The following TLE4 variants were observed in gnomAD, a reference collection of about 807,000 sequenced individuals.
TLE4 encodes the protein TLE family member 4, transcriptional corepressor.
In TLE4, 8 loss-of-function variants were observed where a neutral mutation model predicts 92.8. That is an observed-to-expected ratio of 0.09 (90% CI 0.05 to 0.16). The LOEUF (loss-of-function observed/expected upper bound fraction) is 0.16. TLE4 is among the 10% of genes least tolerant of loss of function. The probability of loss-of-function intolerance (pLI) is 1.00; values close to 1 mark genes in which losing one functional copy is unlikely to be tolerated. For missense variants in TLE4, 675 were observed against 997.6 expected, an observed-to-expected ratio of 0.68 and a Z score of 4.36; for synonymous variants, 371 against 374.1, an observed-to-expected ratio of 0.99 and a Z score of 0.10.
In TLE4 at chr9:79,603,942, T is replaced by A. The variant is rs761452064; in HGVS notation, c.253-8714T>A. Among the ~76,000 whole-genome samples, 29 of 152,332 alleles carry A rather than the reference T, an allele frequency of 1.9e-4. 1 individual carries two copies. Among genetic ancestry groups the A allele is most frequent in the Non-Finnish European group, 1.9e-4 (13 of 68,028 alleles). ...ATCACCTTAAAATTTGTTGGAAGTA[T>A]AGACTCTGAGGCCCTTTTCCAATTT... On this transcript the variant is annotated intron_variant, in intron 4 of 19. Coordinates refer to ENST00000376552, the MANE Select transcript of TLE4 (RefSeq NM_007005.6).
chr9:79,671,589 C>T (rs976991564), intron 8 of TLE4: 4 of 239,138 alleles, frequency 1.7e-5, no homozygotes, highest in African/African-American at 4.4e-5. Flanking sequence ...TTTTACTACT[C>T]ATACACCTAA....
At chr9:79,637,855 T>TG (rs2056285475) in intron 6 of TLE4, among the ~76,000 whole-genome samples, 1 of 151,976 alleles carries the variant, frequency 6.6e-6, no homozygotes, top group Non-Finnish European at 1.5e-5. Context: ...TGTGTGTGTG[T>TG]TTGGGGTTGG....
intron 1 of TLE4, among the ~76,000 whole-genome samples, chr9:79,573,038 G>A (rs1258593897): frequency 6.6e-6 from 1 of 152,054 alleles, no homozygotes; most frequent in African/African-American, 2.4e-5. Flanking sequence ...AGGCAATTGA[G>A]TTGTAGCCAT....
intron 6 of TLE4, among the ~76,000 whole-genome samples, chr9:79,648,457 T>C (rs957538609): frequency 6.6e-6 from 1 of 152,144 alleles, no homozygotes; most frequent in Non-Finnish European, 1.5e-5. Context: ...TGGAGAAGGC[T>C]GTAGGGAACA....
chr9:79,631,867 T>A (rs905445581), intron 6 of TLE4, among the ~76,000 whole-genome samples: 1 of 151,922 alleles, frequency 6.6e-6, no homozygotes, highest in Non-Finnish European at 1.5e-5. Flanking sequence ...TGTGGGTATA[T>A]ATAAAAATGT....
At chr9:79,642,301 G>A (rs1564588871) in intron 6 of TLE4, among the ~76,000 whole-genome samples, 1 of 151,934 alleles carries the variant, frequency 6.6e-6, no homozygotes, top group Non-Finnish European at 1.5e-5. Context: ...TTGGAATATA[G>A]TGGCTATTCA....
At chr9:79,652,569 T>C in intron 6 of TLE4, 24 bp from the exon 7 acceptor site, 1 of 1,613,414 alleles carries the variant, frequency 6.2e-7, no homozygotes, top group Non-Finnish European at 8.5e-7. Context: ...AAATTCAATA[T>C]CTGTGTTTAA....
intron 8 of TLE4, among the ~76,000 whole-genome samples, chr9:79,688,525 T>G (rs1489566577): frequency 6.6e-6 from 1 of 152,046 alleles, no homozygotes; most frequent in Non-Finnish European, 1.5e-5. Context: ...TATCATACAC[T>G]TTAAGCTTGT....
chr9:79,605,534 T>A (rs968587233), intron 4 of TLE4, among the ~76,000 whole-genome samples: 2 of 152,174 alleles, frequency 1.3e-5, no homozygotes, highest in Admixed American at 6.6e-5. Flanking sequence ...CTTAAAGATA[T>A]ACCTCTAGAG....
intron 6 of TLE4, among the ~76,000 whole-genome samples, chr9:79,650,461 A>C (rs573755352): frequency 6.6e-6 from 1 of 152,188 alleles, no homozygotes; most frequent in African/African-American, 2.4e-5. Context: ...AGGGGAATTT[A>C]GAGGAGAAAG....
At chr9:79,572,927 G>A in intron 1 of TLE4, 92 bp downstream of exon 1, 1 of 1,385,974 alleles carries the variant, frequency 7.2e-7, no homozygotes, top group Non-Finnish European at 9.8e-7. Flanking sequence ...TTGGCCGGAG[G>A]GGCGTGGAGA....
chr9:79,582,174 A>G (rs2039853980), intron 4 of TLE4, among the ~76,000 whole-genome samples: 1 of 152,092 alleles, frequency 6.6e-6, no homozygotes, highest in Non-Finnish European at 1.5e-5. Flanking sequence ...GCCTCTTTGT[A>G]GTTTAGAAAG....
intron 4 of TLE4, among the ~76,000 whole-genome samples, chr9:79,588,306 C>A (rs150617770): frequency 1.8e-4 from 28 of 151,934 alleles, no homozygotes; most frequent in African/African-American, 6.8e-4. Context: ...CACCACCACT[C>A]GCAGCTAACT....
chr9:79,718,003 A>G (rs2074900642), intron 14 of TLE4: 1 of 456,628 alleles, frequency 2.2e-6, no homozygotes, highest in Non-Finnish European at 4.4e-6. Context: ...TTAGGACCAA[A>G]TGCTTTTACC....
At chr9:79,672,733 AGAGG>A (rs1227770609) in intron 8 of TLE4, among the ~76,000 whole-genome samples, 2 of 152,232 alleles carry the variant, frequency 1.3e-5, no homozygotes, top group Admixed American at 1.3e-4. Flanking sequence ...ATTTGATTTA[AGAGG>A]GATTCACATT....
In TLE4 at chr9:79,652,584, T is replaced by C. The variant is rs762581496; in HGVS notation, c.391-9T>C. ...AAATTCAATATCTGTGTTTAATTTT[T>C]CACAGCAGCAACAACTCCAGGCCCA... On this transcript the variant is annotated splice_polypyrimidine_tract_variant and intron_variant, in intron 6 of 19. Coordinates refer to ENST00000376552, the MANE Select transcript of TLE4 (RefSeq NM_007005.6). The C allele has an allele frequency of 1.7e-5, 27 of 1,613,868 alleles. No individual in the cohort carries two copies. Among genetic ancestry groups the C allele is most frequent in the Non-Finnish European group, 1.7e-6 (2 of 1,179,944 alleles).
intron 4 of TLE4, among the ~76,000 whole-genome samples, chr9:79,602,661 A>C (rs1213755305): frequency 3.3e-5 from 5 of 152,198 alleles, no homozygotes; most frequent in Admixed American, 1.3e-4. Flanking sequence ...TGGTGTACCT[A>C]GTCACCCAAG....
At chr9:79,636,069 G>A (rs185091365) in intron 6 of TLE4, among the ~76,000 whole-genome samples, 4 of 152,080 alleles carry the variant, frequency 2.6e-5, no homozygotes, top group East Asian at 3.9e-4. Context: ...CCATGTTTCC[G>A]CATTTGTCTT....
At chr9:79,573,253 G>A (rs1016898427) in intron 1 of TLE4, 4 of 1,017,762 alleles carry the variant, frequency 3.9e-6, no homozygotes, top group Admixed American at 6.0e-5. Context: ...GCGGGCCGCC[G>A]GGGCGAGCGG....
Sources: gnomAD v4.1 joint callset for allele counts (sites outside exome capture counted in the v4.1 genomes callset) on GRCh38, gnomAD v4.1.1 for gene constraint, MANE v1.5 for transcripts, NCBI Gene and HGNC (gene_info 2026-07-23, HGNC 2026-07-21) for gene names.